The following AP2B1 variants were observed in gnomAD, a reference collection of about 807,000 sequenced individuals.
The protein encoded by AP2B1 is adaptor related protein complex 2 subunit beta 1.
AP2B1 carries 23 observed loss-of-function variants against 102.0 expected under a neutral mutation model. The ratio of observed to expected loss-of-function variants is 0.23; its 90% CI spans 0.16 to 0.32. The LOEUF is 0.32. AP2B1 is among the 10% of genes least tolerant of loss of function. The pLI, the probability that AP2B1 is intolerant of heterozygous loss-of-function variation, is 1.00. For missense variants in AP2B1, 541 were observed against 1,157.4 expected (o/e 0.47, Z 7.73); for synonymous variants, 381 against 421.2 (o/e 0.90, Z 1.17).
chr17:35,662,293 T>G (rs1360347517), intron 14 of AP2B1, among the ~76,000 whole-genome samples: 1 of 151,710 alleles, frequency 6.6e-6, no homozygotes, highest in Admixed American at 6.6e-5. Flanking sequence ...TTTATCGCAT[T>G]TCAGCATATT....
At chr17:35,605,363 C>G (rs1399672773) in intron 3 of AP2B1, among the ~76,000 whole-genome samples, 2 of 151,698 alleles carry the variant, frequency 1.3e-5, no homozygotes, top group East Asian at 3.9e-4. Context: ...ATTCTCCTGT[C>G]TCAGCCTCCT....
chr17:35,641,388 C>T (rs1598145269), intron 11 of AP2B1, among the ~76,000 whole-genome samples: 2 of 152,242 alleles, frequency 1.3e-5, no homozygotes, highest in Non-Finnish European at 2.9e-5. Context: ...GCCCTGGCAA[C>T]ATTGCAAGAC....
At chr17:35,616,507 A>G (rs1290534033) in intron 5 of AP2B1, among the ~76,000 whole-genome samples, 1 of 152,188 alleles carries the variant, frequency 6.6e-6, no homozygotes, top group African/African-American at 2.4e-5. Context: ...TTAAATTTAC[A>G]GAAAAGTTAC....
At position 35,676,438 on chromosome 17, in the gene AP2B1, A is replaced by G. The variant is rs190802347; in HGVS notation, c.2324+2117A>G. Among the ~76,000 whole-genome samples the G allele has an allele frequency of 5.3e-5, 8 of 152,298 alleles. No individual in the cohort carries two copies. In the East Asian group the frequency reaches 9.6e-4, roughly 18 times the overall value. On this transcript the variant is annotated intron_variant, in intron 17 of 21. Transcript: ENST00000610402. ...TTAGCATAATGCTTTTGAAATGTGT[A>G]TATCAGCAGTTGATTTCCCTTTTGT... is the stretch of plus-strand genomic sequence containing the variant.
chr17:35,608,709 TC>T (rs996686520), intron 5 of AP2B1, among the ~76,000 whole-genome samples: 21 of 152,296 alleles, frequency 1.4e-4, no homozygotes, highest in African/African-American at 4.8e-4. Flanking sequence ...ATTATTTTCT[TC>T]AGATCAATAT....
intron 18 of AP2B1, among the ~76,000 whole-genome samples, chr17:35,689,391 G>A (rs950539052): frequency 1.3e-5 from 2 of 152,110 alleles, no homozygotes; most frequent in African/African-American, 2.4e-5. Flanking sequence ...TGTTGGCCAG[G>A]CTGGTCTCGG....
intron 14 of AP2B1, among the ~76,000 whole-genome samples, chr17:35,667,784 C>T (rs1271793250): frequency 2.0e-5 from 3 of 152,056 alleles, no homozygotes; most frequent in Non-Finnish European, 4.4e-5. Flanking sequence ...CTCTTTGAAT[C>T]TTGGATTATA....
In AP2B1 at chr17:35,605,744, C is replaced by T. The variant is rs1844737676; in HGVS notation, c.183C>T (p.Asp61=). ...FPDVVNCMQT[D]NLELKKLVYL... is the part of the protein sequence containing the mutation. The stretch of plus-strand genomic sequence containing the variant: ...ACGTAGTGAACTGTATGCAGACTGA[C>T]AATCTGGAACTAAAGAAGCTTGTGT... The change falls in exon 4 of 22, where the codon GAC becomes GAT. Residue 61 remains aspartate (D), a synonymous_variant. Transcript: ENST00000610402. 6.2e-7 allele frequency: 1 copy of T among 1,613,932 alleles called. No individual in the cohort carries two copies. The highest frequency in any genetic ancestry group is 8.5e-7 in the Non-Finnish European group (1 of 1,179,906).
intron 1 of AP2B1, among the ~76,000 whole-genome samples, chr17:35,588,333 G>A (rs1484221783): frequency 3.3e-5 from 5 of 151,912 alleles, no homozygotes; most frequent in Non-Finnish European, 1.5e-5. Context: ...TTAGTGACAG[G>A]GTCTTACTGT....
At chr17:35,713,178 C>A (rs2076485602) in intron 20 of AP2B1, among the ~76,000 whole-genome samples, 1 of 152,340 alleles carries the variant, frequency 6.6e-6, no homozygotes, top group Non-Finnish European at 1.5e-5. Flanking sequence ...TTTCTCAGAG[C>A]AAATTCAGTT....
At chr17:35,668,275 T>G (rs2075513193) in intron 14 of AP2B1, among the ~76,000 whole-genome samples, 1 of 152,096 alleles carries the variant, frequency 6.6e-6, no homozygotes, top group Non-Finnish European at 1.5e-5. Flanking sequence ...ATTCACAAGT[T>G]CCAAAGTCAT....
At chr17:35,660,502 A>C (rs995794219) in intron 14 of AP2B1, among the ~76,000 whole-genome samples, 1 of 78,210 alleles carries the variant, frequency 1.3e-5, no homozygotes, top group African/African-American at 5.0e-5. Flanking sequence ...TTTTTTTTGG[A>C]GGTGGAGTTT....
chr17:35,606,194 G>A (rs1224575307), intron 4 of AP2B1, among the ~76,000 whole-genome samples: 2 of 152,060 alleles, frequency 1.3e-5, no homozygotes, highest in South Asian at 4.2e-4. Flanking sequence ...GGAGACTGCC[G>A]GAGTTTCTAC....
At chr17:35,684,897 AAAG>A (rs2075899654) in intron 18 of AP2B1, among the ~76,000 whole-genome samples, 2 of 152,196 alleles carry the variant, frequency 1.3e-5, no homozygotes, top group Admixed American at 6.5e-5. Flanking sequence ...AAAAGAAAAA[AAAG>A]AAAAGAAACA....
intron 18 of AP2B1, among the ~76,000 whole-genome samples, chr17:35,688,687 G>A (rs1343318183): frequency 6.6e-6 from 1 of 152,142 alleles, no homozygotes; most frequent in Non-Finnish European, 1.5e-5. Flanking sequence ...TATGGGAACA[G>A]GCACAGTGGC....
At chr17:35,611,901 T>TGTATA (rs746821031) in intron 5 of AP2B1, among the ~76,000 whole-genome samples, 1 of 152,208 alleles carries the variant, frequency 6.6e-6, no homozygotes, top group African/African-American at 2.4e-5. Flanking sequence ...TATAGTAAAC[T>TGTATA]GTATAGTGTT....
At chr17:35,607,660 C>T (rs980800493) in intron 4 of AP2B1, among the ~76,000 whole-genome samples, 2 of 152,188 alleles carry the variant, frequency 1.3e-5, no homozygotes, top group Admixed American at 1.3e-4. Flanking sequence ...AAGCCCAGAC[C>T]AGCTCCTGTG....
At chr17:35,654,549 A>C (rs1450633608) in intron 13 of AP2B1, among the ~76,000 whole-genome samples, 2 of 151,970 alleles carry the variant, frequency 1.3e-5, no homozygotes, top group African/African-American at 4.8e-5. Context: ...CCAATCCCAG[A>C]CCTCGTATCT....
chr17:35,617,376 A>G (rs897635818), intron 5 of AP2B1, among the ~76,000 whole-genome samples: 1 of 152,174 alleles, frequency 6.6e-6, no homozygotes, highest in Non-Finnish European at 1.5e-5. Context: ...TATATTCTAT[A>G]TTGTACAGTG....
Sources: gnomAD v4.1 joint callset for allele counts (sites outside exome capture counted in the v4.1 genomes callset) on GRCh38, gnomAD v4.1.1 for gene constraint, MANE v1.5 for transcripts, NCBI Gene and HGNC (gene_info 2026-07-23, HGNC 2026-07-21) for gene names.